Variants in OGG1 observed in about 807,000 individuals in gnomAD.
OGG1 encodes the protein N-glycosylase/DNA lyase.
In OGG1, 35 loss-of-function variants were observed where a neutral mutation model predicts 42.3. That is an observed-to-expected ratio of 0.83 (90% CI 0.63 to 1.10). The LOEUF is 1.10. OGG1 is among the 50% of genes least tolerant of loss of function. The pLI, the probability that OGG1 is intolerant of heterozygous loss-of-function variation, is 0.00. For missense variants in OGG1, 484 were observed against 446.7 expected (o/e 1.08, Z -0.75); for synonymous variants, 189 against 179.0 (o/e 1.06, Z -0.44).
Position 9,757,025 on chromosome 3 carries a change from T to TACCCTCCTCCCCACACAGACTCC in OGG1, c.949-27_949-5dup. The TACCCTCCTCCCCACACAGACTCC allele has an allele frequency of 6.2e-7, 1 of 1,613,794 alleles. No homozygotes were observed. Reference sequence around the variant, plus strand: ...AGTCTCACCAGCCCTGACCCCAGTGTACCCTCCTCCCCACACAGACTCCAC... The same window carrying TACCCTCCTCCCCACACAGACTCC: ...AGTCTCACCAGCCCTGACCCCAGTGTACCCTCCTCCCCACACAGACTCCACCCTCCTCCCCACACAGACTCCAC... On this transcript the variant is annotated intron_variant, in intron 6 of 6. Transcript: ENST00000344629. The surrounding 1 kb of genome is among the most constrained non-coding windows in gnomAD (Gnocchi z 4.5).
chr3:9,765,226 C>CAA (rs71049801), intron 7 of OGG1, among the ~76,000 whole-genome samples: 7 of 116,508 alleles, frequency 6.0e-5, no homozygotes, highest in Admixed American at 8.9e-5. Flanking sequence ...GACTCCATCT[C>CAA]AAAAAAAAAA....
At chr3:9,777,251 C>G (rs1173409656) in intron 2 of OGG1, among the ~76,000 whole-genome samples, 1 of 152,236 alleles carries the variant, frequency 6.6e-6, no homozygotes, top group Non-Finnish European at 1.5e-5. Flanking sequence ...TGCCTCCAAA[C>G]TAGTGATAAG....
At chr3:9,785,195 C>G in intron 3 of OGG1, 1 of 683,724 alleles carries the variant, frequency 1.5e-6, no homozygotes. Context: ...CTTGAGACTG[C>G]TATTAGGCTT....
At chr3:9,766,024 A>G (rs773577388) in exon 8 of OGG1, 7 of 1,613,274 alleles carry the variant, frequency 4.3e-6, no homozygotes, top group Non-Finnish European at 5.9e-6. Context: ...TCACTCATCC[A>G]TCCCCTGGCT....
At chr3:9,759,343 GTGAA>G, downstream of OGG1, 1 of 1,549,376 alleles carries the variant, frequency 6.5e-7, no homozygotes, top group Non-Finnish European at 8.9e-7. Flanking sequence ...GAATGAAAGA[GTGAA>G]TGAATGAAGT....
At chr3:9,766,026 C>A (rs1404106141) in exon 8 of OGG1, 4 of 1,612,520 alleles carry the variant, frequency 2.5e-6, no homozygotes, top group Non-Finnish European at 3.4e-6. Flanking sequence ...ACTCATCCAT[C>A]CCCTGGCTCC....
chr3:9,785,238 G>A (rs1224151678), intron 3 of OGG1: 4 of 1,170,868 alleles, frequency 3.4e-6, no homozygotes, highest in South Asian at 1.3e-5. Context: ...TACTGATGAG[G>A]ACTTCCCCAG....
chr3:9,789,399 TG>T, downstream of OGG1: 1 of 974,784 alleles, frequency 1.0e-6, no homozygotes, highest in Non-Finnish European at 1.5e-6. Flanking sequence ...GACAGCAGAC[TG>T]GGCAGGGTTG....
intron 3 of OGG1, among the ~76,000 whole-genome samples, chr3:9,754,124 A>T (rs376512697): frequency 2.0e-5 from 3 of 152,296 alleles, no homozygotes; most frequent in African/African-American, 7.2e-5. Flanking sequence ...TGGGTGACAG[A>T]GCAAGACCCT....
chr3:9,760,421 A>C (rs2077798772), downstream of OGG1: 1 of 463,040 alleles, frequency 2.2e-6, no homozygotes, highest in East Asian at 4.0e-5. Context: ...GTATTTTCAA[A>C]TAGACTATGT....
intron 3 of OGG1, chr3:9,787,639 G>A: frequency 7.3e-7 from 1 of 1,363,042 alleles, no homozygotes. Flanking sequence ...TGCCTCTCGA[G>A]AGAATTAGGA....
downstream of OGG1, chr3:9,760,266 A>C (rs2077789383): frequency 1.1e-5 from 2 of 187,466 alleles, no homozygotes; most frequent in South Asian, 2.1e-4. Context: ...AAAAAAAAAA[A>C]AGTTGTTCTT....
chr3:9,762,802 G>A (rs1271757136), intron 7 of OGG1: 2 of 1,030,670 alleles, frequency 1.9e-6, no homozygotes, highest in East Asian at 2.4e-5. Flanking sequence ...CTTTGTAGAT[G>A]GAAATCCAAG....
chr3:9,754,117 G>A (rs934522742), intron 3 of OGG1, among the ~76,000 whole-genome samples: 1 of 152,226 alleles, frequency 6.6e-6, no homozygotes, highest in African/African-American at 2.4e-5. Context: ...TCCAGCCTGG[G>A]TGACAGAGCA....
chr3:9,750,714 T>C, intron 1 of OGG1: 1 of 694,596 alleles, frequency 1.4e-6, no homozygotes, highest in Middle Eastern at 2.5e-4. Flanking sequence ...CATTCCAGCC[T>C]CGACCCCCCG....
At chr3:9,769,669 C>T (rs2078256896), downstream of OGG1, among the ~76,000 whole-genome samples, 2 of 152,204 alleles carry the variant, frequency 1.3e-5, no homozygotes, top group Admixed American at 1.3e-4. Flanking sequence ...ACCTGCTGGG[C>T]CTGGGACAGA....
intron 3 of OGG1, chr3:9,786,980 TTCC>T (rs2125623586): frequency 6.3e-7 from 1 of 1,584,678 alleles, no homozygotes; most frequent in East Asian, 2.2e-5. Context: ...GTAAATATGG[TTCC>T]TCTTTTGGGT....
Position 9,751,210 on chromosome 3 carries a change from G to A in OGG1, c.385+18G>A. The A allele has an allele frequency of 6.2e-7, 1 of 1,612,660 alleles. No individual in the cohort carries two copies. The highest frequency in any genetic ancestry group is 8.5e-7 in the Non-Finnish European group (1 of 1,179,338). On this transcript the variant is annotated intron_variant, in intron 2 of 6. Coordinates refer to ENST00000344629, the MANE Select transcript of OGG1 (RefSeq NM_002542.6). ...ATTCCAAGGTGAGTACAGGACCTGG[G>A]CTGGGGTTAGGGTTCTTGGACATAA...
chr3:9,779,074 T>C (rs926440818), intron 2 of OGG1, among the ~76,000 whole-genome samples: 4 of 152,036 alleles, frequency 2.6e-5, no homozygotes, highest in African/African-American at 9.7e-5. Context: ...TATTTATTCA[T>C]CTGTGTCCCT....
Sources: gnomAD v4.1 joint callset for allele counts (sites outside exome capture counted in the v4.1 genomes callset) on GRCh38, gnomAD v4.1.1 for gene constraint, Gnocchi (gnomAD v3.1) non-coding constraint, MANE v1.5 for transcripts, NCBI Gene and HGNC (gene_info 2026-07-23, HGNC 2026-07-21) for gene names.